Variants in LDLRAD3 observed in about 807,000 individuals in gnomAD.
LDLRAD3 encodes the protein low density lipoprotein receptor class A domain containing 3.
Under a neutral mutation model 29.4 loss-of-function variants are expected in LDLRAD3, and 20 were observed. That is an observed-to-expected ratio of 0.68 (90% confidence interval 0.48 to 0.99). The LOEUF (loss-of-function observed/expected upper bound fraction) is 0.99, where lower values mean the gene tolerates loss of function less well. LDLRAD3 is among the 50% of genes least tolerant of loss of function. The pLI is 0.00. For synonymous variants in LDLRAD3, 157 were observed against 192.7 expected, an observed-to-expected ratio of 0.81 and a Z score of 1.53; for missense variants, 420 against 454.3, an observed-to-expected ratio of 0.92 and a Z score of 0.69.
intron 2 of LDLRAD3, among the ~76,000 whole-genome samples, chr11:36,048,379 G>C (rs1425904711): frequency 6.6e-6 from 1 of 152,092 alleles, no homozygotes; most frequent in African/African-American, 2.4e-5. Context: ...AGTTCCCATT[G>C]ACACCCCCAC....
rs376946994 is a variant in LDLRAD3, at chr11:36,098,300, G to C, written c.320-27G>C. On this transcript the variant is annotated intron_variant, in intron 3 of 5. Coordinates refer to ENST00000315571, the MANE Select transcript of LDLRAD3 (RefSeq NM_174902.4). ...CCAAGGGAACTTGCTGGCCTCCCTG[G>C]TAATGTGCTGTGTTTTCCCTCTGCA... The C allele has an allele frequency of 5.6e-6, 9 of 1,612,994 alleles. No homozygotes were observed. In the South Asian group the frequency reaches 6.6e-5, roughly 12 times the overall value.
At chr11:36,166,573 A>G (rs1373321702) in intron 4 of LDLRAD3, among the ~76,000 whole-genome samples, 1 of 152,208 alleles carries the variant, frequency 6.6e-6, no homozygotes, top group Admixed American at 6.5e-5. Flanking sequence ...TTGATTAATA[A>G]GAGAGATGAC....
intron 4 of LDLRAD3, among the ~76,000 whole-genome samples, chr11:36,159,456 C>T (rs56370337): frequency 0.071 from 10,745 of 150,620 alleles, 616 homozygotes; most frequent in East Asian, 0.31. Context: ...GCAACAGAGT[C>T]AGACCCTGTC....
intron 1 of LDLRAD3, among the ~76,000 whole-genome samples, chr11:36,017,927 G>C (rs1183648079): frequency 6.6e-6 from 1 of 152,072 alleles, no homozygotes; most frequent in African/African-American, 2.4e-5. Flanking sequence ...AGCTGTTCTG[G>C]GTGCACCAGT....
intron 1 of LDLRAD3, among the ~76,000 whole-genome samples, chr11:36,030,435 AGTGTGTGT>A (rs3080139): frequency 0.44 from 64,424 of 147,418 alleles, 14,805 homozygotes; most frequent in Admixed American, 0.54. Flanking sequence ...CTGTGCATGG[AGTGTGTGT>A]GTGTGTGTGT....
rs574403233 is a variant in LDLRAD3 at position 36,098,328 on chromosome 11, A to G, written c.321A>G (p.Thr107=). ...CPDGSDEENC[T]ANPLLCSTAR... ...ATGTGCTGTGTTTTCCCTCTGCAGC[A>G]GCAAACCCTCTGCTTTGCTCCACCG... is the stretch of plus-strand genomic sequence containing the variant. Residue 107 remains threonine, a splice_region_variant and synonymous_variant, in exon 4 of 6, where the codon ACA becomes ACG. Transcript: ENST00000315571. The G allele has an allele frequency of 1.2e-5, 19 of 1,613,944 alleles. No homozygotes were observed. The highest frequency in any genetic ancestry group is 1.4e-5 in the Non-Finnish European group (17 of 1,180,022).
chr11:36,075,751 T>C (rs4756268), intron 2 of LDLRAD3, among the ~76,000 whole-genome samples: 2,710 of 152,326 alleles, frequency 0.018, 33 homozygotes, highest in Non-Finnish European at 0.026. Flanking sequence ...TTTACTTACT[T>C]ATTCAACAAT....
At chr11:36,207,718 C>A (rs557782361) in intron 4 of LDLRAD3, among the ~76,000 whole-genome samples, 1 of 152,010 alleles carries the variant, frequency 6.6e-6, no homozygotes, top group Non-Finnish European at 1.5e-5. Flanking sequence ...AACCACAACT[C>A]ACGGGAAAGG....
chr11:36,019,505 T>C (rs187820238), intron 1 of LDLRAD3, among the ~76,000 whole-genome samples: 2 of 152,294 alleles, frequency 1.3e-5, no homozygotes, highest in Admixed American at 6.5e-5. Context: ...GCCTCATTGT[T>C]CATAGGACAC....
At chr11:35,996,950 C>T (rs1009694607) in intron 1 of LDLRAD3, among the ~76,000 whole-genome samples, 1 of 152,106 alleles carries the variant, frequency 6.6e-6, no homozygotes, top group Non-Finnish European at 1.5e-5. Flanking sequence ...ATGGGTTAAC[C>T]ATGTACCTTT....
At chr11:36,159,602 TAAAAAA>T (rs66512652) in intron 4 of LDLRAD3, among the ~76,000 whole-genome samples, 13 of 58,468 alleles carry the variant, frequency 2.2e-4, no homozygotes, top group African/African-American at 7.6e-4. Context: ...TTACAGAAAC[TAAAAAA>T]AAAAAAAAAA....
At chr11:36,140,992 T>TTCTCTCTCTCTCTCTCTCTCTCTCTCTC (rs557939353) in intron 4 of LDLRAD3, among the ~76,000 whole-genome samples, 2 of 110,054 alleles carry the variant, frequency 1.8e-5, no homozygotes, top group Admixed American at 1.1e-4. Context: ...CTGTTGAGCT[T>TTCTCTCTCTCTCTCTCTCTCTCTCTCTC]TCTCTCTCTC....
chr11:36,042,490 A>G (rs1246677913), intron 2 of LDLRAD3, among the ~76,000 whole-genome samples: 2 of 152,146 alleles, frequency 1.3e-5, no homozygotes, highest in Non-Finnish European at 2.9e-5. Context: ...CCTGTCAGTC[A>G]TTGTGTGCAG....
intron 1 of LDLRAD3, among the ~76,000 whole-genome samples, chr11:35,953,592 G>A (rs1302322305): frequency 2.0e-5 from 3 of 152,122 alleles, no homozygotes; most frequent in South Asian, 2.1e-4. Flanking sequence ...TTCTCCAGGC[G>A]TCGTTAAACT....
At chr11:35,961,284 T>C in intron 1 of LDLRAD3, among the ~76,000 whole-genome samples, 1 of 152,154 alleles carries the variant, frequency 6.6e-6, no homozygotes, top group East Asian at 1.9e-4. Flanking sequence ...AGCAAAGCAG[T>C]GGTGAGCCCT....
At chr11:36,178,219 C>T (rs141600991) in intron 4 of LDLRAD3, among the ~76,000 whole-genome samples, 1,802 of 152,292 alleles carry the variant, frequency 0.012, 14 homozygotes, top group Non-Finnish European at 0.018. Context: ...CCCTCAGTCT[C>T]ATCCTGCAGA....
At chr11:35,983,693 C>G (rs1440886849) in intron 1 of LDLRAD3, among the ~76,000 whole-genome samples, 1 of 152,114 alleles carries the variant, frequency 6.6e-6, no homozygotes, top group Admixed American at 6.5e-5. Flanking sequence ...TGTAGTGGTG[C>G]GATCTCAGCT....
chr11:35,968,767 T>C, intron 1 of LDLRAD3: 1 of 162,726 alleles, frequency 6.1e-6, no homozygotes, highest in South Asian at 1.8e-4. Flanking sequence ...CTTTACAACA[T>C]AGGCAAGATC....
At chr11:36,102,012 C>T (rs1565223700) in intron 4 of LDLRAD3, 2 of 200,712 alleles carry the variant, frequency 1.0e-5, no homozygotes, top group East Asian at 1.8e-4. Context: ...CCTCAGCCTC[C>T]CGAGTAGCTG....
Sources: allele counts gnomAD v4.1 joint callset (sites outside exome capture counted in the v4.1 genomes callset), GRCh38; gene constraint gnomAD v4.1.1; transcripts MANE v1.5; gene names NCBI Gene and HGNC (gene_info 2026-07-23, HGNC 2026-07-21).